The following FYCO1 variants were observed in gnomAD, a reference collection of about 807,000 sequenced individuals.
The protein encoded by FYCO1 is FYVE and coiled-coil domain-containing protein 1.
Under a neutral mutation model 165.1 loss-of-function variants are expected in FYCO1, and 122 were observed. That is an observed-to-expected ratio of 0.74 (90% confidence interval 0.64 to 0.86). The LOEUF is 0.86. Among genes scored for constraint, FYCO1 ranks in the 40% least tolerant of loss-of-function variants. The probability of loss-of-function intolerance (pLI) is 0.00; values close to 1 mark genes in which losing one functional copy is unlikely to be tolerated. For missense variants in FYCO1, 1,702 were observed against 1,810.3 expected (o/e 0.94, Z 1.09); for synonymous variants, 648 against 742.5 (o/e 0.87, Z 2.07).
intron 14 of FYCO1, among the ~76,000 whole-genome samples, chr3:45,950,962 A>G (rs1704980257): frequency 6.6e-6 from 1 of 152,182 alleles, no homozygotes; most frequent in Non-Finnish European, 1.5e-5. Context: ...TGGGTGACAA[A>G]TCTACCACAG....
chr3:45,979,607 ACTT>A, intron 4 of FYCO1, 95 bp downstream of exon 4: 5 of 1,455,060 alleles, frequency 3.4e-6, no homozygotes, highest in Non-Finnish European at 4.8e-6. Flanking sequence ...ATAAACTCCC[ACTT>A]CCTTATTTAG....
intron 14 of FYCO1, among the ~76,000 whole-genome samples, chr3:45,944,679 T>A (rs1276011032): frequency 2.0e-5 from 3 of 152,178 alleles, no homozygotes; most frequent in African/African-American, 7.2e-5. Context: ...TTATTATACA[T>A]CAAAGTTTAC....
chr3:45,958,018 C>T (rs553676434), intron 13 of FYCO1, among the ~76,000 whole-genome samples: 98 of 152,316 alleles, frequency 6.4e-4, no homozygotes, highest in African/African-American at 2.3e-3. Flanking sequence ...GAAGGAAGAG[C>T]GAGCTTCAGG....
intron 17 of FYCO1, among the ~76,000 whole-genome samples, chr3:45,922,630 G>C (rs867549250): frequency 3.9e-4 from 59 of 152,256 alleles, no homozygotes; most frequent in Middle Eastern, 3.4e-3. Context: ...TAACTCCAGG[G>C]GTGCTTTCAT....
intron 15 of FYCO1, among the ~76,000 whole-genome samples, chr3:45,932,959 T>C (rs956272163): frequency 1.4e-4 from 22 of 152,202 alleles, no homozygotes; most frequent in Admixed American, 1.4e-3. Context: ...TAATGCCCCA[T>C]TAATACATTA....
chr3:45,981,917 C>G (rs1707081776), intron 2 of FYCO1, among the ~76,000 whole-genome samples: 1 of 152,228 alleles, frequency 6.6e-6, no homozygotes, highest in Non-Finnish European at 1.5e-5. Flanking sequence ...TCACCCTTGT[C>G]TGTCCACCAC....
chr3:45,936,606 G>C, intron 14 of FYCO1, 63 bp from the exon 15 acceptor site: 1 of 1,193,208 alleles, frequency 8.4e-7, no homozygotes, highest in Non-Finnish European at 1.3e-6. Flanking sequence ...TCACATCCTG[G>C]GGTCCGCAGT....
At position 45,923,652 on chromosome 3, in the gene FYCO1, C is replaced by T. The variant is rs2125787830; in HGVS notation, c.4361+4G>A. 1 of 1,594,192 alleles carries T rather than the reference C, an allele frequency of 6.3e-7. No individual in the cohort carries two copies. The highest frequency in any genetic ancestry group is 2.2e-5 in the East Asian group (1 of 44,800). On this transcript the variant is annotated splice_donor_region_variant and intron_variant, in intron 17 of 17. Coordinates refer to ENST00000296137, the MANE Select transcript of FYCO1 (RefSeq NM_024513.4). ...CGTGGAGCTGGTGCCTGAGGTGGCC[C>T]TACCTTGAGAAGGTATTGTCGAAGA...
At chr3:45,980,544 A>C (rs1162350058) in intron 3 of FYCO1, among the ~76,000 whole-genome samples, 1 of 152,162 alleles carries the variant, frequency 6.6e-6, no homozygotes, top group Non-Finnish European at 1.5e-5. Flanking sequence ...CCCAAAACCA[A>C]AATGGGCTTA....
intron 16 of FYCO1, 128 bp downstream of exon 16, chr3:45,930,943 G>A: frequency 3.4e-6 from 3 of 870,272 alleles, no homozygotes; most frequent in South Asian, 1.4e-5. Flanking sequence ...GCATGATACT[G>A]CCCAGAACAT....
chr3:45,992,580 T>A (rs1264368826), intron 1 of FYCO1, among the ~76,000 whole-genome samples: 1 of 152,222 alleles, frequency 6.6e-6, no homozygotes, highest in Non-Finnish European at 1.5e-5. Context: ...TTTTAGGCAC[T>A]CTATCTGTCC....
chr3:45,945,174 T>C (rs1164129595), intron 14 of FYCO1: 5 of 152,164 alleles, frequency 3.3e-5, no homozygotes, highest in Non-Finnish European at 7.3e-5. Flanking sequence ...TCTGAGTGGA[T>C]TAGGAAAGGT....
chr3:45,984,902 G>A lies in FYCO1; in HGVS notation c.9C>T (p.Ser3=). The stretch of plus-strand genomic sequence containing the variant: ...TCTGGAGCTGGCTCTCTGCATTGGT[G>A]GAGGCCATGGTGAGTTTGCCTTTCT... MA[S]TNAESQLQRI... is the part of the protein sequence containing the mutation. Residue 3 remains serine (S), a synonymous_variant, in exon 2 of 18, where the codon TCC becomes TCT. Transcript: ENST00000296137. The A allele has an allele frequency of 3.1e-6, 5 of 1,614,122 alleles. No homozygotes were observed. Among genetic ancestry groups the A allele is most frequent in the Non-Finnish European group, 4.2e-6 (5 of 1,180,012 alleles).
At chr3:45,966,114 C>T (rs1225785516) in intron 8 of FYCO1, among the ~76,000 whole-genome samples, 163 bp downstream of exon 8, 2 of 152,210 alleles carry the variant, frequency 1.3e-5, no homozygotes, top group East Asian at 1.9e-4. Context: ...GAGAAAGATG[C>T]TACTGGGAGC....
At chr3:45,952,387 G>A (rs1356178927) in intron 14 of FYCO1, among the ~76,000 whole-genome samples, 1 of 152,028 alleles carries the variant, frequency 6.6e-6, no homozygotes, top group Admixed American at 6.5e-5. Context: ...TTTGGTTTAG[G>A]TCTTAAAACT....
At chr3:45,976,763 G>A (rs1706781528) in intron 4 of FYCO1, among the ~76,000 whole-genome samples, 1 of 152,214 alleles carries the variant, frequency 6.6e-6, no homozygotes, top group South Asian at 2.1e-4. Context: ...ACATCCTGGT[G>A]TATAGCACCT....
rs1343396473 is a variant in FYCO1 at position 45,967,865 on chromosome 3, A to G, written c.1469T>C (p.Leu490Ser). ...CTGTTGCTGTTTTTTCTCCCGCCTC[A>G]ACTCTGCTAGCTCCTCCTCCCAGGA... ...TSSWEEELAE[L>S]RREKKQQQEE... Residue 490 changes from leucine to serine, a missense_variant, in exon 8 of 18, where the codon TTG becomes TCG. Transcript: ENST00000296137. The G allele has an allele frequency of 6.2e-7, 1 of 1,613,766 alleles. No homozygotes were observed. The highest frequency in any genetic ancestry group is 8.5e-7 in the Non-Finnish European group (1 of 1,179,950).
chr3:45,961,176 A>T (rs1255049650), intron 11 of FYCO1, among the ~76,000 whole-genome samples: 1 of 152,194 alleles, frequency 6.6e-6, no homozygotes, highest in Non-Finnish European at 1.5e-5. Context: ...ACGACCTGAA[A>T]ATATTCTAAG....
intron 13 of FYCO1, among the ~76,000 whole-genome samples, chr3:45,957,600 A>G (rs1705417976): frequency 6.6e-6 from 1 of 152,274 alleles, no homozygotes; most frequent in Non-Finnish European, 1.5e-5. Context: ...AGATTTGAAG[A>G]AGATAAACTA....
Sources: gnomAD v4.1 joint callset for allele counts (sites outside exome capture counted in the v4.1 genomes callset) on GRCh38, gnomAD v4.1.1 for gene constraint, MANE v1.5 for transcripts, NCBI Gene and HGNC (gene_info 2026-07-23, HGNC 2026-07-21) for gene names.